IFT80: variants seen among roughly 807,000 people sequenced by gnomAD.
IFT80 encodes intraflagellar transport protein 80 homolog.
A neutral mutation model predicts 107.9 loss-of-function variants in IFT80; 79 were observed. The observed-to-expected ratio is 0.73, with a 90% CI of 0.61 to 0.88. The LOEUF is 0.88. IFT80 is among the 40% of genes least tolerant of loss of function. The probability of loss-of-function intolerance (pLI) is 0.00; values close to 1 mark genes in which losing one functional copy is unlikely to be tolerated. For missense variants in IFT80, 797 were observed against 914.2 expected (o/e 0.87, Z 1.65); for synonymous variants, 299 against 300.9 (o/e 0.99, Z 0.07).
chr3:160,347,754 G>T (rs1033074380), intron 8 of IFT80, among the ~76,000 whole-genome samples: 1 of 152,142 alleles, frequency 6.6e-6, no homozygotes, highest in Non-Finnish European at 1.5e-5. Context: ...TTTTTAAAGA[G>T]TTGAGGGTAT....
At chr3:160,369,165 G>A (rs1053130580) in intron 5 of IFT80, among the ~76,000 whole-genome samples, 11 of 151,804 alleles carry the variant, frequency 7.2e-5, no homozygotes, top group African/African-American at 2.7e-4. Flanking sequence ...AAACAATAAT[G>A]TTAAAGAAAC....
At chr3:160,323,604 G>C (rs892311315) in intron 8 of IFT80, among the ~76,000 whole-genome samples, 1 of 151,968 alleles carries the variant, frequency 6.6e-6, no homozygotes, top group African/African-American at 2.4e-5. Context: ...CAACATACCA[G>C]AATCTCTGGG....
At chr3:160,277,266 TCAAA>T in intron 18 of IFT80, 36 bp downstream of exon 18, 2 of 1,568,106 alleles carry the variant, frequency 1.3e-6, no homozygotes, top group Non-Finnish European at 1.8e-6. Context: ...TACATTAAGG[TCAAA>T]CAGATTTTGG....
intron 8 of IFT80, among the ~76,000 whole-genome samples, chr3:160,324,449 T>C (rs1421787139): frequency 6.6e-6 from 1 of 152,086 alleles, no homozygotes. Context: ...GTGGGCTTCA[T>C]CTCTGGGATG....
chr3:160,363,165 CAA>C (rs756553804), intron 6 of IFT80, among the ~76,000 whole-genome samples: 2 of 152,172 alleles, frequency 1.3e-5, no homozygotes, highest in Admixed American at 1.3e-4. Context: ...CCAACTTCAG[CAA>C]AGTCTCAGGA....
intron 18 of IFT80, among the ~76,000 whole-genome samples, chr3:160,271,656 T>G (rs1713816393): frequency 6.6e-6 from 1 of 152,152 alleles, no homozygotes; most frequent in Non-Finnish European, 1.5e-5. Context: ...CCAGCAAGAC[T>G]ATGCTTCTCA....
At chr3:160,387,005 G>T (rs1052349824) in intron 1 of IFT80, among the ~76,000 whole-genome samples, 8 of 151,976 alleles carry the variant, frequency 5.3e-5, no homozygotes. Flanking sequence ...TGCAATGGAT[G>T]GTATACAAAA....
chr3:160,288,071 G>A (rs769405421), intron 12 of IFT80, among the ~76,000 whole-genome samples: 2 of 152,222 alleles, frequency 1.3e-5, no homozygotes, highest in South Asian at 2.1e-4. Flanking sequence ...CAGTCTGGGC[G>A]CAGTGGCTCA....
At chr3:160,321,479 T>A (rs140332432) in intron 8 of IFT80, among the ~76,000 whole-genome samples, 12 of 152,084 alleles carry the variant, frequency 7.9e-5, no homozygotes, top group Non-Finnish European at 1.5e-4. Context: ...TACATTCATA[T>A]AACAGTCCTT....
intron 9 of IFT80, among the ~76,000 whole-genome samples, chr3:160,310,806 C>T (rs929991301): frequency 6.6e-6 from 1 of 152,106 alleles, no homozygotes; most frequent in African/African-American, 2.4e-5. Flanking sequence ...AACCCAATGA[C>T]CAGTCTAGAG....
intron 5 of IFT80, 53 bp from the exon 6 acceptor site, chr3:160,366,205 C>G: frequency 7.8e-7 from 1 of 1,276,842 alleles, no homozygotes; most frequent in Admixed American, 1.7e-5. Context: ...ATTATTATGC[C>G]TTATAAAAAG....
intron 19 of IFT80, among the ~76,000 whole-genome samples, chr3:160,259,746 A>G (rs1712669056): frequency 1.3e-5 from 2 of 152,184 alleles, no homozygotes; most frequent in Admixed American, 1.3e-4. Context: ...CTTCTTTAGG[A>G]AAGCACATTC....
intron 2 of IFT80, chr3:160,383,713 A>C: frequency 1.0e-6 from 1 of 985,408 alleles, no homozygotes; most frequent in Non-Finnish European, 1.2e-6. Flanking sequence ...AAGAATGATG[A>C]TAGTGGGGCC....
At position 160,303,932 on chromosome 3, in the gene IFT80, C is replaced by T. The variant is rs1716631430; in HGVS notation, c.1134G>A (p.Leu378=). ...IFDLKEGTVS[L]ILQAERHFLL... is the part of the protein sequence containing the mutation. Reference sequence around the variant, plus strand: ...TAAATTACCTTTCTGCCTGCAGAATCAAACTAACAGTTCCTTCTTTGAGAT... The same window carrying T: ...TAAATTACCTTTCTGCCTGCAGAATTAAACTAACAGTTCCTTCTTTGAGAT... Residue 378 remains leucine, a synonymous_variant, in exon 11 of 20, where the codon TTG becomes TTA. Transcript: ENST00000326448. The T allele has an allele frequency of 6.2e-7, 1 of 1,610,020 alleles. No homozygotes were observed. The highest frequency in any genetic ancestry group is 1.3e-5 in the African/African-American group (1 of 74,834).
intron 12 of IFT80, among the ~76,000 whole-genome samples, chr3:160,294,102 G>T (rs1316079473): frequency 1.3e-5 from 2 of 152,186 alleles, no homozygotes; most frequent in Non-Finnish European, 2.9e-5. Context: ...GGCTGATGGG[G>T]TCCCCAAATT....
chr3:160,398,350 G>T (rs1355170378), intron 1 of IFT80, among the ~76,000 whole-genome samples: 1 of 152,028 alleles, frequency 6.6e-6, no homozygotes, highest in Non-Finnish European at 1.5e-5. Context: ...ATTCAAAAGG[G>T]AGATTTAATG....
In IFT80 at chr3:160,307,531, G is replaced by A. The variant is rs997313005; in HGVS notation, c.1076+132C>T. On this transcript the variant is annotated intron_variant, in intron 10 of 19. Coordinates refer to ENST00000326448, the MANE Select transcript of IFT80 (RefSeq NM_020800.3). ...CACTTTCTCTCACTTCCGGGTTTGA[G>A]GTAGTTCAGGATAGCTGAGGTTTTG... The A allele has an allele frequency of 5.9e-5, 43 of 726,684 alleles. No individual in the cohort carries two copies. The Middle Eastern group carries it at 1.1e-3, about 19-fold the overall frequency. 45.0% of individuals were successfully genotyped at this position (726,684 alleles called of 1,614,324 possible). A position where few individuals can be genotyped will look rare whatever the true frequency, so the allele number is the denominator to read the frequency against.
At chr3:160,334,268 G>C (rs1719298879) in intron 8 of IFT80, among the ~76,000 whole-genome samples, 1 of 152,144 alleles carries the variant, frequency 6.6e-6, no homozygotes, top group Admixed American at 6.6e-5. Context: ...CAGAATGATA[G>C]GATGCTAGGG....
At chr3:160,328,612 T>C (rs1010994390) in intron 8 of IFT80, among the ~76,000 whole-genome samples, 4 of 151,854 alleles carry the variant, frequency 2.6e-5, no homozygotes, top group African/African-American at 9.7e-5. Flanking sequence ...AAAGCAGAAC[T>C]ATCATTCGGC....
Sources: gnomAD v4.1 joint callset for allele counts (sites outside exome capture counted in the v4.1 genomes callset) on GRCh38, gnomAD v4.1.1 for gene constraint, MANE v1.5 for transcripts, NCBI Gene and HGNC (gene_info 2026-07-23, HGNC 2026-07-21) for gene names.